The following LRRC37A2 variants were observed in gnomAD, a reference collection of about 807,000 sequenced individuals.
LRRC37A2 encodes leucine-rich repeat-containing protein 37A2.
LRRC37A2 carries 9 observed loss-of-function variants against 68.8 expected under a neutral mutation model. That is an observed-to-expected ratio of 0.13 (90% CI 0.08 to 0.23). The LOEUF is 0.23. Among genes scored for constraint, LRRC37A2 ranks in the 10% least tolerant of loss-of-function variants. LRRC37A2 has a pLI of 1.00. For missense variants in LRRC37A2, 168 were observed against 950.4 expected, an observed-to-expected ratio of 0.18 and a Z score of 10.82; for synonymous variants, 63 against 367.6, an observed-to-expected ratio of 0.17 and a Z score of 9.48.
chr17:46,942,543 C>T, the LRRC37A2 span, among the ~76,000 whole-genome samples: 3 of 152,176 alleles, frequency 2.0e-5, no homozygotes, highest in Non-Finnish European at 4.4e-5. Context: ...GAGAGGTGTG[C>T]AGGGGACTGA....
the LRRC37A2 span, among the ~76,000 whole-genome samples, chr17:47,000,861 T>C: frequency 6.6e-6 from 1 of 151,792 alleles, no homozygotes; most frequent in South Asian, 2.1e-4. Context: ...CTCCCTGGAG[T>C]AGGACATTCT....
At chr17:46,996,892 C>G in the LRRC37A2 span, among the ~76,000 whole-genome samples, 2 of 152,146 alleles carry the variant, frequency 1.3e-5, no homozygotes, top group South Asian at 4.1e-4. Context: ...TCCTTCAGCC[C>G]CTCTGACCTC....
chr17:46,796,020 T>C, the LRRC37A2 span, among the ~76,000 whole-genome samples: 3 of 150,862 alleles, frequency 2.0e-5, no homozygotes, highest in Admixed American at 6.6e-5. Context: ...GTCGGCAGGG[T>C]AATTATCAGT....
chr17:46,811,933 G>C, the LRRC37A2 span, among the ~76,000 whole-genome samples: 19 of 152,288 alleles, frequency 1.2e-4, no homozygotes, highest in Middle Eastern at 6.8e-3. Flanking sequence ...CTCCAGCCTG[G>C]GCGACAGAGC....
chr17:47,033,417 C>T, the LRRC37A2 span: 1 of 691,606 alleles, frequency 1.4e-6, no homozygotes, highest in Non-Finnish European at 2.6e-6. Context: ...GTTACTTTCT[C>T]CCCAAGTACA....
At chr17:46,690,222 TTAAA>T in the LRRC37A2 span, among the ~76,000 whole-genome samples, 1 of 32,480 alleles carries the variant, frequency 3.1e-5, no homozygotes, top group African/African-American at 1.4e-4. Context: ...TTAGAAATAA[TTAAA>T]TATCTAACAG....
the LRRC37A2 span, among the ~76,000 whole-genome samples, chr17:46,583,994 T>TATATATATAA: frequency 2.4e-4 from 3 of 12,738 alleles, no homozygotes; most frequent in South Asian, 3.0e-3. Context: ...TATATATATA[T>TATATATATAA]AATATATATT....
At chr17:46,727,702 C>G in the LRRC37A2 span, among the ~76,000 whole-genome samples, 1 of 152,068 alleles carries the variant, frequency 6.6e-6, no homozygotes, top group South Asian at 2.1e-4. Context: ...TCTTTAAAAG[C>G]TTTTAGGCAC....
At chr17:46,936,660 T>C in the LRRC37A2 span, 3 of 985,030 alleles carry the variant, frequency 3.0e-6, no homozygotes, top group Non-Finnish European at 3.6e-6. Context: ...TTGAAATTTA[T>C]GGTCATTTTC....
the LRRC37A2 span, chr17:46,939,608 C>A: frequency 3.0e-6 from 3 of 985,582 alleles, no homozygotes; most frequent in East Asian, 3.4e-4. Context: ...AGTCTCAGCT[C>A]TAGTTTTAGT....
the LRRC37A2 span, among the ~76,000 whole-genome samples, chr17:46,962,929 T>C: frequency 6.6e-6 from 1 of 152,244 alleles, no homozygotes; most frequent in Non-Finnish European, 1.5e-5. Context: ...AATGATGTGA[T>C]TTAATCCTTT....
At chr17:46,569,284 G>C in the LRRC37A2 span, among the ~76,000 whole-genome samples, 132 of 150,176 alleles carry the variant, frequency 8.8e-4, 1 homozygote, top group African/African-American at 3.1e-3. Context: ...ATTAGAATAA[G>C]GACTAGGTGC....
chr17:46,440,377 T>TTTTTA, the LRRC37A2 span, among the ~76,000 whole-genome samples: 2 of 80,836 alleles, frequency 2.5e-5, no homozygotes, highest in East Asian at 2.3e-4. Flanking sequence ...TTTGTTTTTG[T>TTTTTA]TTTTATTTTA....
At chr17:46,489,519 T>C in the LRRC37A2 span, among the ~76,000 whole-genome samples, 1 of 148,808 alleles carries the variant, frequency 6.7e-6, no homozygotes, top group Non-Finnish European at 1.5e-5. Flanking sequence ...GGAGTCTCCC[T>C]CTGTCACCCA....
the LRRC37A2 span, among the ~76,000 whole-genome samples, chr17:46,847,692 G>A: frequency 6.6e-6 from 1 of 152,200 alleles, no homozygotes; most frequent in African/African-American, 2.4e-5. Context: ...GGCATCATCT[G>A]TTCCACTTCC....
the LRRC37A2 span, among the ~76,000 whole-genome samples, chr17:46,768,956 A>T: frequency 6.6e-6 from 1 of 152,190 alleles, no homozygotes; most frequent in African/African-American, 2.4e-5. This position sits in a 1 kb window ranked among gnomAD's most constrained non-coding sequence, Gnocchi z 5.0. Context: ...AGACCTAAAG[A>T]ATAGTGACCA....
chr17:46,956,831 C>T, the LRRC37A2 span, among the ~76,000 whole-genome samples: 1 of 152,176 alleles, frequency 6.6e-6, no homozygotes, highest in South Asian at 2.1e-4. Flanking sequence ...CCCTCACTCC[C>T]GCCCCAAGAC....
At chr17:46,767,549 A>G in the LRRC37A2 span, among the ~76,000 whole-genome samples, 1 of 152,030 alleles carries the variant, frequency 6.6e-6, no homozygotes, top group Non-Finnish European at 1.5e-5. Flanking sequence ...CACCACCATC[A>G]CCACTTTATA....
the LRRC37A2 span, among the ~76,000 whole-genome samples, chr17:46,914,942 C>T: frequency 3.9e-5 from 6 of 152,230 alleles, no homozygotes; most frequent in Non-Finnish European, 8.8e-5. Context: ...TCATTACACA[C>T]TCGTACACTG....
Sources: allele counts gnomAD v4.1 joint callset (sites outside exome capture counted in the v4.1 genomes callset), GRCh38; gene constraint gnomAD v4.1.1; non-coding constraint Gnocchi (gnomAD v3.1); transcripts MANE v1.5; gene names NCBI Gene and HGNC (gene_info 2026-07-23, HGNC 2026-07-21).